GKAP1: variants seen among roughly 807,000 people sequenced by gnomAD.
GKAP1 encodes G kinase-anchoring protein 1.
In GKAP1, 31 loss-of-function variants were observed where a neutral mutation model predicts 56.7. That is an observed-to-expected ratio of 0.55 (90% CI 0.41 to 0.74). The LOEUF is 0.74. GKAP1 is among the 30% of genes least tolerant of loss of function. The pLI is 0.00. For missense variants in GKAP1, 364 were observed against 402.3 expected, an observed-to-expected ratio of 0.90 and a Z score of 0.82; for synonymous variants, 151 against 138.6, an observed-to-expected ratio of 1.09 and a Z score of -0.63.
At chr9:83,801,206 G>A (rs146287509) in intron 3 of GKAP1, among the ~76,000 whole-genome samples, 2 of 152,276 alleles carry the variant, frequency 1.3e-5, no homozygotes, top group East Asian at 3.9e-4. Context: ...AGAGATTGGG[G>A]TGAGGACACA....
At position 83,739,639 on chromosome 9, in the gene GKAP1, C is replaced by T. The variant is rs568352866; in HGVS notation, c.*58G>A. The T allele has an allele frequency of 2.1e-6, 3 of 1,445,492 alleles. No homozygotes were observed. The highest frequency in any genetic ancestry group is 2.6e-5 in the South Asian group (2 of 78,290). The allele number at this position is 1,445,492 out of a possible 1,614,324, so 89.5% of individuals were successfully genotyped here. A position where few individuals can be genotyped will look rare whatever the true frequency, so the allele number is the denominator to read the frequency against. Reference sequence around the variant, plus strand: ...GCAGTTGCACAGCATTAAATATATACAACTTTGCAAAATCCTGGAAGTTTT... The same window carrying T: ...GCAGTTGCACAGCATTAAATATATATAACTTTGCAAAATCCTGGAAGTTTT... On this transcript the variant is annotated 3_prime_UTR_variant, in exon 13 of 13. Coordinates refer to ENST00000376371, the MANE Select transcript of GKAP1 (RefSeq NM_025211.4).
intron 3 of GKAP1, among the ~76,000 whole-genome samples, chr9:83,804,756 CGGG>C (rs1178087561): frequency 2.0e-5 from 3 of 148,478 alleles, no homozygotes; most frequent in African/African-American, 7.4e-5. Context: ...CCACCCCGTC[CGGG>C]AGGTGAGGGG....
At chr9:83,764,671 A>G (rs1206765008) in intron 8 of GKAP1, among the ~76,000 whole-genome samples, 1 of 152,136 alleles carries the variant, frequency 6.6e-6, no homozygotes, top group Non-Finnish European at 1.5e-5. Flanking sequence ...TTGAATGACA[A>G]TGAAGTCCAG....
At chr9:83,753,075 CA>C (rs1943419180) in intron 9 of GKAP1, among the ~76,000 whole-genome samples, 182 bp downstream of exon 9, 2 of 104,366 alleles carry the variant, frequency 1.9e-5, no homozygotes, top group Admixed American at 1.3e-4. Flanking sequence ...ACAACAACAA[CA>C]ACAACATAAA....
At chr9:83,778,668 A>G (rs1268165451) in intron 7 of GKAP1, among the ~76,000 whole-genome samples, 1 of 152,120 alleles carries the variant, frequency 6.6e-6, no homozygotes, top group Non-Finnish European at 1.5e-5. Context: ...TATATAATAA[A>G]CCTACACATG....
intron 9 of GKAP1, 105 bp downstream of exon 9, chr9:83,753,153 A>T (rs890874966): frequency 1.5e-6 from 1 of 650,228 alleles, no homozygotes. Context: ...AAACAGAATG[A>T]CTATTCCCAT....
intron 2 of GKAP1, among the ~76,000 whole-genome samples, chr9:83,811,289 T>G (rs532076299): frequency 1.3e-4 from 20 of 152,290 alleles, no homozygotes; most frequent in Admixed American, 5.9e-4. Flanking sequence ...AATAAAAAAG[T>G]TTTTAGGCAT....
At chr9:83,793,021 G>A in intron 4 of GKAP1, 1 of 1,274,300 alleles carries the variant, frequency 7.8e-7, no homozygotes, top group Non-Finnish European at 1.0e-6. Context: ...TCCCCATCTA[G>A]TAGTAAAACA....
intron 4 of GKAP1, among the ~76,000 whole-genome samples, chr9:83,792,667 TTTA>T (rs1944180769): frequency 6.6e-6 from 1 of 152,204 alleles, no homozygotes; most frequent in East Asian, 1.9e-4. Context: ...TAAACATATC[TTTA>T]TTCTCTATCA....
chr9:83,758,744 C>CAAA, intron 8 of GKAP1, among the ~76,000 whole-genome samples: 1 of 121,340 alleles, frequency 8.2e-6, no homozygotes, highest in Non-Finnish European at 1.8e-5. Flanking sequence ...ACTCCATCTC[C>CAAA]AAAAAAAAAA....
intron 8 of GKAP1, among the ~76,000 whole-genome samples, chr9:83,758,959 T>G (rs1251724711): frequency 6.6e-6 from 1 of 152,108 alleles, no homozygotes; most frequent in Non-Finnish European, 1.5e-5. Context: ...ATGAATCCTC[T>G]TTTCTCTCCT....
intron 4 of GKAP1, chr9:83,789,242 C>A (rs1391006951): frequency 6.6e-6 from 1 of 152,136 alleles, no homozygotes; most frequent in African/African-American, 2.4e-5. Context: ...AATAATGATT[C>A]TTTGTGATAT....
At chr9:83,745,659 A>G (rs937003672) in intron 10 of GKAP1, among the ~76,000 whole-genome samples, 18 of 152,228 alleles carry the variant, frequency 1.2e-4, no homozygotes, top group African/African-American at 4.1e-4. Flanking sequence ...TTAGAAATAT[A>G]TCTTCTAAAT....
At chr9:83,753,455 A>C (rs1378823788) in intron 8 of GKAP1, 96 bp from the exon 9 acceptor site, 4 of 812,850 alleles carry the variant, frequency 4.9e-6, no homozygotes, top group Non-Finnish European at 6.1e-6. Flanking sequence ...AAAAATTCTG[A>C]CCTTAATTTT....
chr9:83,789,156 G>A (rs1441281252), intron 4 of GKAP1: 2 of 152,274 alleles, frequency 1.3e-5, no homozygotes, highest in Non-Finnish European at 2.9e-5. Flanking sequence ...CATATGCCAG[G>A]TGTTACAGAA....
At chr9:83,804,384 C>G (rs1404026877) in intron 3 of GKAP1, among the ~76,000 whole-genome samples, 5 of 134,836 alleles carry the variant, frequency 3.7e-5, no homozygotes, top group African/African-American at 1.1e-4. Flanking sequence ...CCGCCCCGTC[C>G]GGGAGGGAGG....
At chr9:83,788,322 T>C (rs1421883312) in intron 5 of GKAP1, among the ~76,000 whole-genome samples, 2 of 152,106 alleles carry the variant, frequency 1.3e-5, no homozygotes, top group African/African-American at 2.4e-5. Context: ...ATTAAAATCA[T>C]CTGTTGTGAA....
In GKAP1 at chr9:83,739,694, TA is replaced by T; in HGVS notation, c.*2del. 6.2e-7 allele frequency: 1 copy of T among 1,602,926 alleles called. No individual in the cohort carries two copies. The highest frequency in any genetic ancestry group is 1.1e-5 in the South Asian group (1 of 88,592). On this transcript the variant is annotated 3_prime_UTR_variant, in exon 13 of 13. Transcript: ENST00000376371. ...TTTGTGTTGACTTCAAAGGCTAATGTAATCACCTACACTGGTCGGATTCAGA... is the reference window on the plus strand; with the variant it reads ...TTTGTGTTGACTTCAAAGGCTAATGTATCACCTACACTGGTCGGATTCAGA...
intron 8 of GKAP1, among the ~76,000 whole-genome samples, chr9:83,758,903 G>A (rs1353279958): frequency 6.6e-6 from 1 of 152,084 alleles, no homozygotes; most frequent in Non-Finnish European, 1.5e-5. Context: ...TTGGATAGAG[G>A]AAAGAAGTAT....
Sources: gnomAD v4.1 joint callset for allele counts (sites outside exome capture counted in the v4.1 genomes callset) on GRCh38, gnomAD v4.1.1 for gene constraint, MANE v1.5 for transcripts, NCBI Gene and HGNC (gene_info 2026-07-23, HGNC 2026-07-21) for gene names.